Variants in DCC observed in about 807,000 individuals in gnomAD.
The protein encoded by DCC is DCC netrin 1 receptor, also known as netrin receptor DCC.
In DCC, 58 loss-of-function variants were observed where a neutral mutation model predicts 172.5. The ratio of observed to expected loss-of-function variants is 0.34; its 90% confidence interval spans 0.27 to 0.42. The LOEUF (loss-of-function observed/expected upper bound fraction) is 0.42. Ranked by LOEUF, DCC falls within the 10% of genes least tolerant of loss-of-function variation. The pLI is 1.00. For missense variants in DCC, 1,740 were observed against 1,791.0 expected, an observed-to-expected ratio of 0.97 and a Z score of 0.51; for synonymous variants, 709 against 644.5, an observed-to-expected ratio of 1.10 and a Z score of -1.52.
At chr18:53,185,166 C>T (rs956328795) in intron 9 of DCC, among the ~76,000 whole-genome samples, 10 of 152,034 alleles carry the variant, frequency 6.6e-5, no homozygotes, top group East Asian at 1.9e-4. Flanking sequence ...AGATGGGGAA[C>T]GTTAAAAATT....
intron 7 of DCC, among the ~76,000 whole-genome samples, chr18:53,136,405 G>C (rs753611040): frequency 6.6e-6 from 1 of 152,036 alleles, no homozygotes; most frequent in Non-Finnish European, 1.5e-5. Context: ...TATACCAAAA[G>C]GGAGATTTCT....
chr18:53,339,957 T>A (rs746780328), intron 15 of DCC, 50 bp downstream of exon 15: 2 of 1,510,164 alleles, frequency 1.3e-6, no homozygotes, highest in South Asian at 1.2e-5. Context: ...TAATGATTTA[T>A]TTTGAATTAT....
chr18:53,344,533 C>T (rs2057700654), intron 15 of DCC, among the ~76,000 whole-genome samples: 1 of 145,974 alleles, frequency 6.9e-6, no homozygotes, highest in African/African-American at 2.5e-5. Context: ...ACCTCTGCCT[C>T]CCAGGTTCAA....
At chr18:53,254,960 A>T (rs1177049661) in intron 12 of DCC, among the ~76,000 whole-genome samples, 6 of 152,048 alleles carry the variant, frequency 3.9e-5, no homozygotes, top group Non-Finnish European at 7.4e-5. Flanking sequence ...AAATTGGAAG[A>T]CTTTAGAGCC....
Position 53,346,705 on chromosome 18 carries a change from G to A in DCC, c.2359+6798G>A, listed in dbSNP as rs185983395. Among the ~76,000 whole-genome samples, 996 of 152,192 alleles carry A rather than the reference G, an allele frequency of 6.5e-3. 7 individuals are homozygous for A. The highest frequency in any genetic ancestry group is 0.025 in the Admixed American group (384 of 15,284). ...TTGCAAGTATACTTTACCTCTGAGA[G>A]CATAGTTATAAAAGTTACTTTAGCA... On this transcript the variant is annotated intron_variant, in intron 15 of 28. Coordinates refer to ENST00000442544, the MANE Select transcript of DCC (RefSeq NM_005215.4).
rs549974327 is a variant in DCC, at chr18:53,307,933, A to T, written c.2053+2214A>T. ...TATATATATATATATATATATATAT[A>T]TATATATATATATATATGTATTTTA... On this transcript the variant is annotated intron_variant, in intron 13 of 28. Coordinates refer to ENST00000442544, the MANE Select transcript of DCC (RefSeq NM_005215.4). 5.1e-4 allele frequency among the ~76,000 whole-genome samples: 55 copies of T among 106,922 alleles called. 2 individuals are homozygous for T. The highest frequency in any genetic ancestry group is 1.6e-3 in the African/African-American group (51 of 32,514). The allele number at this position is 106,922 out of a possible 152,430, so 70.1% of individuals were successfully genotyped here.
At chr18:53,236,295 G>A (rs1243554472) in intron 12 of DCC, among the ~76,000 whole-genome samples, 1 of 152,036 alleles carries the variant, frequency 6.6e-6, no homozygotes, top group Non-Finnish European at 1.5e-5. Flanking sequence ...ACATCACCTT[G>A]TGGCTTTAAT....
At chr18:52,378,911 C>A (rs1185397916) in intron 1 of DCC, among the ~76,000 whole-genome samples, 2 of 152,128 alleles carry the variant, frequency 1.3e-5, no homozygotes, top group Non-Finnish European at 2.9e-5. Context: ...GCAATAGACT[C>A]TTTCCCTCTT....
At chr18:53,290,284 T>C (rs532660544) in intron 12 of DCC, among the ~76,000 whole-genome samples, 1 of 152,290 alleles carries the variant, frequency 6.6e-6, no homozygotes, top group African/African-American at 2.4e-5. Flanking sequence ...ACAAAACACT[T>C]GTGGTTCTGA....
At chr18:53,011,034 C>T (rs964703106) in intron 5 of DCC, among the ~76,000 whole-genome samples, 1 of 151,134 alleles carries the variant, frequency 6.6e-6, no homozygotes, top group Non-Finnish European at 1.5e-5. Flanking sequence ...ATTTAAATTG[C>T]ATAATATATT....
intron 1 of DCC, among the ~76,000 whole-genome samples, chr18:52,663,386 C>T (rs1048128935): frequency 2.6e-5 from 4 of 152,152 alleles, no homozygotes; most frequent in African/African-American, 9.7e-5. Context: ...TTCCAGATGA[C>T]AGCTGAGTGG....
chr18:52,684,820 A>G (rs75664464), intron 1 of DCC, among the ~76,000 whole-genome samples: 8,305 of 152,222 alleles, frequency 0.055, 359 homozygotes, highest in African/African-American at 0.12. Context: ...TTAAACTACT[A>G]ATGACACAAA....
chr18:53,348,089 A>C (rs1385652016), intron 15 of DCC, among the ~76,000 whole-genome samples: 1 of 152,148 alleles, frequency 6.6e-6, no homozygotes, highest in Non-Finnish European at 1.5e-5. Context: ...TTATTTCAGC[A>C]TTAACTCAAA....
At chr18:53,440,679 C>CT (rs1439179433) in intron 22 of DCC, among the ~76,000 whole-genome samples, 1 of 152,046 alleles carries the variant, frequency 6.6e-6, no homozygotes, top group Non-Finnish European at 1.5e-5. Context: ...AATTTTACAG[C>CT]TTTTTTTCCA....
At chr18:53,271,067 C>T (rs1229904385) in intron 12 of DCC, among the ~76,000 whole-genome samples, 1 of 152,090 alleles carries the variant, frequency 6.6e-6, no homozygotes, top group Non-Finnish European at 1.5e-5. Flanking sequence ...CATTTTGGCT[C>T]TAGAGATTTT....
chr18:53,003,071 T>C (rs1380968733), intron 5 of DCC, among the ~76,000 whole-genome samples: 1 of 152,120 alleles, frequency 6.6e-6, no homozygotes, highest in Non-Finnish European at 1.5e-5. Flanking sequence ...GTTGGTAATG[T>C]GCTGAAAACA....
At chr18:53,473,980 T>C (rs2045730420) in intron 25 of DCC, among the ~76,000 whole-genome samples, 1 of 152,070 alleles carries the variant, frequency 6.6e-6, no homozygotes, top group Non-Finnish European at 1.5e-5. Context: ...TAGTGACTTA[T>C]TCTACATGAA....
chr18:52,848,242 G>A (rs1447790888), intron 2 of DCC, among the ~76,000 whole-genome samples: 1 of 151,882 alleles, frequency 6.6e-6, no homozygotes, highest in African/African-American at 2.4e-5. Context: ...CTGCCACCAT[G>A]CCCAGCTATT....
At chr18:52,555,134 T>G (rs1286623197) in intron 1 of DCC, among the ~76,000 whole-genome samples, 1 of 152,062 alleles carries the variant, frequency 6.6e-6, no homozygotes, top group Non-Finnish European at 1.5e-5. Flanking sequence ...GCTTTTAAAG[T>G]GTCATCATAC....
Sources: allele counts gnomAD v4.1 joint callset (sites outside exome capture counted in the v4.1 genomes callset), GRCh38; gene constraint gnomAD v4.1.1; transcripts MANE v1.5; gene names NCBI Gene and HGNC (gene_info 2026-07-23, HGNC 2026-07-21).